RCAN2: variants seen among roughly 807,000 people sequenced by gnomAD.
RCAN2 encodes the protein calcipressin-2.
In RCAN2, 9 loss-of-function variants were observed where a neutral mutation model predicts 23.6. That is an observed-to-expected ratio of 0.38 (90% CI 0.23 to 0.67). The LOEUF (loss-of-function observed/expected upper bound fraction) is 0.67, where lower values mean the gene tolerates loss of function less well. RCAN2 is among the 30% of genes least tolerant of loss of function. The probability of loss-of-function intolerance (pLI) is 0.51; values close to 1 mark genes in which losing one functional copy is unlikely to be tolerated. For synonymous variants in RCAN2, 109 were observed against 115.7 expected, an observed-to-expected ratio of 0.94 and a Z score of 0.37; for missense variants, 273 against 302.3, an observed-to-expected ratio of 0.90 and a Z score of 0.72.
At chr6:46,337,738 G>T (rs1357159724) in intron 2 of RCAN2, among the ~76,000 whole-genome samples, 2 of 152,182 alleles carry the variant, frequency 1.3e-5, no homozygotes, top group Non-Finnish European at 2.9e-5. Flanking sequence ...ATCGCAAGGT[G>T]CTGTCTCTCT....
intron 2 of RCAN2, among the ~76,000 whole-genome samples, chr6:46,441,500 T>C (rs1028005848): frequency 6.6e-6 from 1 of 152,178 alleles, no homozygotes; most frequent in Admixed American, 6.5e-5. Context: ...GTATAAATAA[T>C]ACATTATACT....
intron 2 of RCAN2, among the ~76,000 whole-genome samples, chr6:46,260,130 G>A (rs1767062055): frequency 6.6e-6 from 1 of 152,142 alleles, no homozygotes; most frequent in Admixed American, 6.5e-5. Flanking sequence ...TCAGACAGTA[G>A]GCTGAAAAGC....
At chr6:46,351,811 G>T (rs764375383) in intron 2 of RCAN2, among the ~76,000 whole-genome samples, 1 of 152,168 alleles carries the variant, frequency 6.6e-6, no homozygotes, top group African/African-American at 2.4e-5. Context: ...GTTGGGAAGC[G>T]AGGAAATTGA....
intron 1 of RCAN2, among the ~76,000 whole-genome samples, chr6:46,460,288 C>T (rs1768170366): frequency 6.6e-6 from 1 of 152,154 alleles, no homozygotes; most frequent in Non-Finnish European, 1.5e-5. Context: ...TCTCCAACTC[C>T]TAGCCTCAAA....
At chr6:46,382,756 A>T (rs1765643931) in intron 2 of RCAN2, among the ~76,000 whole-genome samples, 1 of 152,220 alleles carries the variant, frequency 6.6e-6, no homozygotes, top group South Asian at 2.1e-4. Context: ...AATATTTTAA[A>T]TGTGGATGAA....
At chr6:46,319,070 T>C (rs2150361022) in intron 2 of RCAN2, among the ~76,000 whole-genome samples, 1 of 152,328 alleles carries the variant, frequency 6.6e-6, no homozygotes, top group East Asian at 1.9e-4. Context: ...AACCTTTACA[T>C]AAATACATTT....
chr6:46,447,416 C>T (rs1349177638), intron 2 of RCAN2, among the ~76,000 whole-genome samples: 1 of 151,934 alleles, frequency 6.6e-6, no homozygotes, highest in African/African-American at 2.4e-5. Context: ...CCATACTCCA[C>T]TTTCAGCAAA....
At chr6:46,370,135 T>C (rs1765288558) in intron 2 of RCAN2, among the ~76,000 whole-genome samples, 3 of 152,072 alleles carry the variant, frequency 2.0e-5, no homozygotes, top group Admixed American at 2.0e-4. Flanking sequence ...CTCTGGTGAG[T>C]TCTAGTCTGA....
At chr6:46,300,371 A>T (rs1273350590) in intron 2 of RCAN2, among the ~76,000 whole-genome samples, 1 of 151,954 alleles carries the variant, frequency 6.6e-6, no homozygotes. Flanking sequence ...ATGGGAAAAG[A>T]TGTAACATAC....
At chr6:46,263,973 A>G (rs1231988110) in intron 2 of RCAN2, among the ~76,000 whole-genome samples, 1 of 152,226 alleles carries the variant, frequency 6.6e-6, no homozygotes, top group Admixed American at 6.5e-5. Flanking sequence ...ATTCCATTTG[A>G]GTTCTAAATG....
chr6:46,253,385 A>G (rs1273810067), intron 2 of RCAN2, among the ~76,000 whole-genome samples: 1 of 152,238 alleles, frequency 6.6e-6, no homozygotes, highest in Non-Finnish European at 1.5e-5. Context: ...CAAAGTGTCC[A>G]TAACTATACT....
intron 2 of RCAN2, among the ~76,000 whole-genome samples, chr6:46,353,473 A>G (rs964926501): frequency 3.7e-4 from 56 of 152,264 alleles, no homozygotes; most frequent in African/African-American, 1.2e-3. Context: ...ATAAATTCCA[A>G]AAGTATCTTG....
At chr6:46,433,459 AT>A (rs1270665935) in intron 2 of RCAN2, among the ~76,000 whole-genome samples, 1 of 152,248 alleles carries the variant, frequency 6.6e-6, no homozygotes, top group Admixed American at 6.5e-5. Context: ...TGAGAAGATT[AT>A]TCTGGATTAT....
intron 4 of RCAN2, among the ~76,000 whole-genome samples, chr6:46,242,856 C>T (rs1766354520): frequency 6.6e-6 from 1 of 152,220 alleles, no homozygotes; most frequent in African/African-American, 2.4e-5. Context: ...AGGCTAATAG[C>T]TCTGGTCTAT....
In RCAN2 at chr6:46,388,913, T is replaced by C. The variant is rs373862861; in HGVS notation, c.225+67839A>G. 2.6e-5 allele frequency among the ~76,000 whole-genome samples: 4 copies of C among 152,106 alleles called. No individual in the cohort carries two copies. The South Asian group carries it at 6.2e-4, about 24-fold the overall frequency. On this transcript the variant is annotated intron_variant, in intron 2 of 4. Coordinates refer to ENST00000371374, the MANE Select transcript of RCAN2 (RefSeq NM_001251974.2). ...AACCACCATGGCACGCGTATACCTA[T>C]GTAACAAACCTGCACGTACTGCACG...
intron 2 of RCAN2, among the ~76,000 whole-genome samples, chr6:46,308,236 C>T (rs1302640206): frequency 2.0e-5 from 3 of 152,084 alleles, no homozygotes. Flanking sequence ...TGTGAAGATT[C>T]CAAGGGATGA....
At chr6:46,246,980 G>A in intron 3 of RCAN2, 61 bp from the exon 4 acceptor site, 1 of 1,362,584 alleles carries the variant, frequency 7.3e-7, no homozygotes. Flanking sequence ...TGTCATGTTG[G>A]CACATTAAAA....
chr6:46,292,423 GTTGTT>G (rs1205329478), intron 2 of RCAN2, among the ~76,000 whole-genome samples: 3 of 107,550 alleles, frequency 2.8e-5, no homozygotes, highest in African/African-American at 1.2e-4. Flanking sequence ...GAGTTGATTT[GTTGTT>G]TTTTTTTTTG....
At chr6:46,257,813 C>A (rs1408753565) in intron 2 of RCAN2, among the ~76,000 whole-genome samples, 1 of 152,124 alleles carries the variant, frequency 6.6e-6, no homozygotes, top group Non-Finnish European at 1.5e-5. Flanking sequence ...ACACAACTAG[C>A]CAGTTAGCAA....
Sources: allele counts gnomAD v4.1 joint callset (sites outside exome capture counted in the v4.1 genomes callset), GRCh38; gene constraint gnomAD v4.1.1; transcripts MANE v1.5; gene names NCBI Gene and HGNC (gene_info 2026-07-23, HGNC 2026-07-21).